SLC2A14: variants seen among roughly 807,000 people sequenced by gnomAD.
SLC2A14 encodes solute carrier family 2 member 14.
A neutral mutation model predicts 43.0 loss-of-function variants in SLC2A14; 13 were observed. The observed-to-expected ratio is 0.30, with a 90% CI of 0.20 to 0.48. The LOEUF is 0.48. Ranked by LOEUF, SLC2A14 falls within the 20% of genes least tolerant of loss-of-function variation. The pLI is 0.99. For missense variants in SLC2A14, 428 were observed against 620.4 expected (o/e 0.69, Z 3.29); for synonymous variants, 190 against 233.8 (o/e 0.81, Z 1.71).
intron 1 of SLC2A14, among the ~76,000 whole-genome samples, chr12:7,884,670 G>A (rs892299885): frequency 1.3e-5 from 2 of 152,054 alleles, no homozygotes; most frequent in African/African-American, 4.8e-5. Context: ...CCTCAACTCT[G>A]CCCACATGTT....
intron 1 of SLC2A14, chr12:7,871,212 T>C: frequency 8.0e-7 from 1 of 1,253,616 alleles, no homozygotes. Flanking sequence ...GTTTCATTCA[T>C]GAGGACCACC....
At chr12:7,830,346 T>A (rs947863048) in intron 4 of SLC2A14, among the ~76,000 whole-genome samples, 12 of 152,028 alleles carry the variant, frequency 7.9e-5, no homozygotes, top group African/African-American at 2.2e-4. Context: ...AGAGATGGGG[T>A]TTCACCATCT....
chr12:7,868,872 C>G (rs113053700), intron 2 of SLC2A14, among the ~76,000 whole-genome samples: 5 of 151,886 alleles, frequency 3.3e-5, no homozygotes, highest in Admixed American at 6.6e-5. Flanking sequence ...ATGCCGGGCT[C>G]GTTGGCTCAA....
At chr12:7,815,807 C>G (rs777117574) in intron 10 of SLC2A14, among the ~76,000 whole-genome samples, 1 of 152,092 alleles carries the variant, frequency 6.6e-6, no homozygotes, top group South Asian at 2.1e-4. Context: ...CACTCCCAAC[C>G]TCAGGTGATC....
At chr12:7,827,925 G>A (rs747252891) in intron 6 of SLC2A14, among the ~76,000 whole-genome samples, 4 of 152,260 alleles carry the variant, frequency 2.6e-5, no homozygotes, top group African/African-American at 9.6e-5. Flanking sequence ...TGGATCACCT[G>A]AGGTGAGTTT....
chr12:7,890,449 T>C (rs1452352713), intron 1 of SLC2A14, among the ~76,000 whole-genome samples: 3 of 152,086 alleles, frequency 2.0e-5, no homozygotes, highest in Non-Finnish European at 4.4e-5. Flanking sequence ...CCATCCTCCA[T>C]TATTTGTACT....
chr12:7,826,168 G>A (rs911950923), intron 7 of SLC2A14, among the ~76,000 whole-genome samples: 3 of 151,618 alleles, frequency 2.0e-5, no homozygotes, highest in African/African-American at 7.3e-5. Flanking sequence ...ATTTGAGACT[G>A]GGATTCATCA....
chr12:7,826,944 TCTTTC>T (rs1864490471), intron 7 of SLC2A14, among the ~76,000 whole-genome samples: 1 of 143,750 alleles, frequency 7.0e-6, no homozygotes, highest in Non-Finnish European at 1.5e-5. Context: ...TCCTTTCCTT[TCTTTC>T]CTTTCTTCTC....
intron 2 of SLC2A14, among the ~76,000 whole-genome samples, chr12:7,858,833 C>T (rs1944394141): frequency 6.6e-6 from 1 of 152,100 alleles, no homozygotes; most frequent in East Asian, 1.9e-4. Context: ...CCAATATACC[C>T]AGTTTTTCAT....
At chr12:7,864,571 C>T (rs1944805405) in intron 2 of SLC2A14, among the ~76,000 whole-genome samples, 1 of 152,178 alleles carries the variant, frequency 6.6e-6, no homozygotes, top group Non-Finnish European at 1.5e-5. Context: ...ATCTCCGGAC[C>T]TCATCATCCG....
chr12:7,831,494 T>C, intron 4 of SLC2A14, 110 bp downstream of exon 4: 1 of 1,487,774 alleles, frequency 6.7e-7, no homozygotes, highest in South Asian at 1.3e-5. Flanking sequence ...TTGATTAGAA[T>C]TCAAGGTGTT....
At chr12:7,889,094 C>T (rs1005435334) in intron 1 of SLC2A14, among the ~76,000 whole-genome samples, 17 of 152,000 alleles carry the variant, frequency 1.1e-4, no homozygotes, top group Non-Finnish European at 1.5e-4. Context: ...CTGATCCAGA[C>T]CCCAGGAGGG....
intron 7 of SLC2A14, among the ~76,000 whole-genome samples, chr12:7,827,069 CTCTCTCTT>C (rs1265239261): frequency 2.6e-5 from 2 of 77,770 alleles, no homozygotes; most frequent in Admixed American, 1.4e-4. Flanking sequence ...TTCTTTCTCT[CTCTCTCTT>C]TCTTTCTTTC....
chr12:7,883,536 G>C (rs1407752868), intron 1 of SLC2A14, among the ~76,000 whole-genome samples: 1 of 149,012 alleles, frequency 6.7e-6, no homozygotes, highest in Non-Finnish European at 1.5e-5. Context: ...AAAGTGCTGA[G>C]ATTACAGGCA....
At chr12:7,873,331 A>C (rs1592321773), upstream of SLC2A14, 1 of 985,372 alleles carries the variant, frequency 1.0e-6, no homozygotes, top group Non-Finnish European at 1.2e-6. Context: ...GGGAAGGCCC[A>C]GGGCGAGATC....
chr12:7,855,349 T>C (rs1024994560), intron 2 of SLC2A14, among the ~76,000 whole-genome samples: 1 of 152,000 alleles, frequency 6.6e-6, no homozygotes, highest in Non-Finnish European at 1.5e-5. Flanking sequence ...ATGTTGCCCA[T>C]AGACTGGTCT....
chr12:7,870,043 C>G (rs191374570), intron 1 of SLC2A14, 106 bp from the exon 2 acceptor site: 2 of 552,246 alleles, frequency 3.6e-6, no homozygotes, highest in Non-Finnish European at 6.1e-6. Context: ...CCAATAAATA[C>G]TTCTGGAAGA....
chr12:7,829,298 C>A lies in SLC2A14; in HGVS notation c.514-432G>T, dbSNP rs1207762507. On this transcript the variant is annotated intron_variant, in intron 5 of 10. Coordinates refer to ENST00000431042, the MANE Select transcript of SLC2A14 (RefSeq NM_001286234.2). ...AAAAATTGCCGGGCACAGTGGCTCA[C>A]ACCTATAACCCAGAATTTTGGGAGG... 2.6e-5 allele frequency among the ~76,000 whole-genome samples: 4 copies of A among 152,112 alleles called. No homozygotes were observed. In the East Asian group the frequency reaches 7.7e-4, roughly 29 times the overall value.
At chr12:7,834,067 C>G (rs779838311) in intron 2 of SLC2A14, among the ~76,000 whole-genome samples, 1 of 152,232 alleles carries the variant, frequency 6.6e-6, no homozygotes, top group South Asian at 2.1e-4. Context: ...TCAGATGTCT[C>G]AGTCACAACT....
Sources: gnomAD v4.1 joint callset for allele counts (sites outside exome capture counted in the v4.1 genomes callset) on GRCh38, gnomAD v4.1.1 for gene constraint, MANE v1.5 for transcripts, NCBI Gene and HGNC (gene_info 2026-07-23, HGNC 2026-07-21) for gene names.